The following APAF1 variants were observed in gnomAD, a reference collection of about 807,000 sequenced individuals.
APAF1 encodes apoptotic protease-activating factor 1.
In APAF1, 91 loss-of-function variants were observed where a neutral mutation model predicts 152.4. The observed-to-expected ratio is 0.60, with a 90% CI of 0.50 to 0.71. The LOEUF is 0.71. Among genes scored for constraint, APAF1 ranks in the 30% least tolerant of loss-of-function variants. APAF1 has a pLI of 0.00. For missense variants in APAF1, 1,283 were observed against 1,472.0 expected (o/e 0.87, Z 2.10); for synonymous variants, 484 against 494.1 (o/e 0.98, Z 0.27).
At chr12:98,715,269 T>TG (rs1246163179) in intron 21 of APAF1, among the ~76,000 whole-genome samples, 158 bp from the exon 22 acceptor site, 3 of 111,920 alleles carry the variant, frequency 2.7e-5, no homozygotes, top group East Asian at 8.4e-4. Flanking sequence ...TATATATATA[T>TG]ATATATATAT....
intron 17 of APAF1, among the ~76,000 whole-genome samples, chr12:98,702,228 G>A (rs1320475600): frequency 6.6e-6 from 1 of 152,000 alleles, no homozygotes; most frequent in Admixed American, 6.5e-5. Context: ...ACCGCGCCCG[G>A]CTAATTTTTT....
chr12:98,724,710 C>T (rs2097747844), intron 24 of APAF1, among the ~76,000 whole-genome samples: 2 of 151,116 alleles, frequency 1.3e-5, no homozygotes, highest in Admixed American at 6.7e-5. Context: ...TTACTTCATA[C>T]AACTGTTCAC....
chr12:98,703,222 CATATTTTGTTT>C (rs1293624114), intron 17 of APAF1, 138 bp from the exon 18 acceptor site: 1 of 781,378 alleles, frequency 1.3e-6, no homozygotes, highest in Non-Finnish European at 2.1e-6. Context: ...TATATTGATC[CATATTTTGTTT>C]ATGACTGTCA....
rs1351628383 is a variant in APAF1 at position 98,648,508 on chromosome 12, C to T, written c.138+11C>T. The T allele has an allele frequency of 6.2e-7, 1 of 1,612,894 alleles. No individual in the cohort carries two copies. Among genetic ancestry groups the T allele is most frequent in the Non-Finnish European group, 8.5e-7 (1 of 1,179,628 alleles). On this transcript the variant is annotated intron_variant, in intron 2 of 26. Transcript: ENST00000551964. ...AAAGTAAGAAATGAGGTAAAGCTCTCTGAAGCAGTCCACACTTCCTTAAAA... is the reference window on the plus strand; with the variant it reads ...AAAGTAAGAAATGAGGTAAAGCTCTTTGAAGCAGTCCACACTTCCTTAAAA...
At chr12:98,715,176 T>C (rs2153340149) in intron 21 of APAF1, among the ~76,000 whole-genome samples, 1 of 142,424 alleles carries the variant, frequency 7.0e-6, no homozygotes, top group East Asian at 2.1e-4. Flanking sequence ...TGTCTGATGA[T>C]TGCAGTGAGT....
intron 20 of APAF1, among the ~76,000 whole-genome samples, chr12:98,711,913 C>G (rs1180560128): frequency 2.0e-5 from 3 of 152,172 alleles, no homozygotes; most frequent in African/African-American, 7.2e-5. Context: ...TTATGTCTGT[C>G]TCAGTCTTGT....
At chr12:98,678,733 C>T (rs1259950577) in intron 13 of APAF1, among the ~76,000 whole-genome samples, 1 of 152,226 alleles carries the variant, frequency 6.6e-6, no homozygotes, top group African/African-American at 2.4e-5. Flanking sequence ...CTACTGTTGG[C>T]ACCCACTCTG....
At chr12:98,659,396 G>GTAAC (rs1565859430) in intron 5 of APAF1, 53 bp downstream of exon 5, 2 of 1,554,176 alleles carry the variant, frequency 1.3e-6, no homozygotes, top group Non-Finnish European at 1.8e-6. Flanking sequence ...CCAATAAGAT[G>GTAAC]TAACTACTGA....
chr12:98,717,593 C>T (rs2097736383), intron 22 of APAF1, among the ~76,000 whole-genome samples: 1 of 151,976 alleles, frequency 6.6e-6, no homozygotes, highest in South Asian at 2.1e-4. Context: ...TCAGGCTGGT[C>T]TTGAACTCTG....
chr12:98,663,950 A>G lies in APAF1; in HGVS notation c.955+1144A>G, dbSNP rs148864265. Among the ~76,000 whole-genome samples the G allele has an allele frequency of 3.3e-3, 506 of 151,966 alleles. 2 individuals carry two copies. The highest frequency in any genetic ancestry group is 0.012 in the African/African-American group (478 of 41,464). On this transcript the variant is annotated intron_variant, in intron 7 of 26. Transcript: ENST00000551964. ...TGGGATTATAGGCATGAGCTACCAT[A>G]CCTGGCCACCTTATTTTTCATTCTG...
In APAF1 at chr12:98,680,261, A is replaced by T. The variant is rs1363431248; in HGVS notation, c.1921-16A>T. 1.3e-6 allele frequency: 2 copies of T among 1,562,954 alleles called. No homozygotes were observed. The highest frequency in any genetic ancestry group is 1.2e-5 in the South Asian group (1 of 85,670). On this transcript the variant is annotated splice_polypyrimidine_tract_variant and intron_variant, in intron 13 of 26. Coordinates refer to ENST00000551964, the MANE Select transcript of APAF1 (RefSeq NM_181861.2). ...AGCAGTTTATTATAAAAAATATTTT[A>T]TTGTTACTTGTGCAGGTGTTCAAAG...
At chr12:98,696,205 T>G (rs2097709632) in intron 16 of APAF1, among the ~76,000 whole-genome samples, 1 of 152,118 alleles carries the variant, frequency 6.6e-6, no homozygotes, top group Non-Finnish European at 1.5e-5. Flanking sequence ...GGCCGGAAAT[T>G]CCAGGATTGG....
Position 98,733,145 on chromosome 12 carries a change from T to C in APAF1, c.*579T>C, listed in dbSNP as rs2153346378. The C allele has an allele frequency of 6.5e-6, 1 of 153,806 alleles. No individual in the cohort carries two copies. The highest frequency in any genetic ancestry group is 2.0e-4 in the South Asian group (1 of 4,898). The allele number at this position is 153,806 out of a possible 1,614,324, so 9.5% of individuals were successfully genotyped here. A position where few individuals can be genotyped will look rare whatever the true frequency, so the allele number is the denominator to read the frequency against. ...TAGCAGGCCCCCCCACCTTTTTTTTTTGTTTTTGGAGACAGAGTCTTGCTT... is the reference window on the plus strand; with the variant it reads ...TAGCAGGCCCCCCCACCTTTTTTTTCTGTTTTTGGAGACAGAGTCTTGCTT... On this transcript the variant is annotated 3_prime_UTR_variant, in exon 27 of 27. Coordinates refer to ENST00000551964, the MANE Select transcript of APAF1 (RefSeq NM_181861.2).
At chr12:98,732,393 A>G in intron 26 of APAF1, 27 bp from the exon 27 acceptor site, 1 of 1,606,448 alleles carries the variant, frequency 6.2e-7, no homozygotes. Context: ...TACCAATCTA[A>G]TGAGAATTTT....
At chr12:98,725,038 G>C (rs527778835) in intron 24 of APAF1, among the ~76,000 whole-genome samples, 25 of 152,268 alleles carry the variant, frequency 1.6e-4, no homozygotes, top group Admixed American at 1.6e-3. Context: ...TCATTTTACA[G>C]ATGCCGTGTC....
rs1175024730 is a variant in APAF1, at chr12:98,678,331, T to A, written c.1920+780T>A. Among the ~76,000 whole-genome samples the A allele has an allele frequency of 2.0e-5, 3 of 152,366 alleles. No homozygotes were observed. The East Asian group carries it at 5.8e-4, about 29-fold the overall frequency. Reference sequence around the variant, plus strand: ...CTGCCTGGAGTGGCTGCTGCCATCATGCTGGCTGCAGCAGGGAGGCGCAGC... The same window carrying A: ...CTGCCTGGAGTGGCTGCTGCCATCAAGCTGGCTGCAGCAGGGAGGCGCAGC... On this transcript the variant is annotated intron_variant, in intron 13 of 26. Coordinates refer to ENST00000551964, the MANE Select transcript of APAF1 (RefSeq NM_181861.2).
At chr12:98,708,829 T>A in intron 20 of APAF1, 125 bp downstream of exon 20, 1 of 887,662 alleles carries the variant, frequency 1.1e-6, no homozygotes. Context: ...CCAGCAGACA[T>A]TAGTTAAATA....
rs573334153 is a variant in APAF1 at position 98,700,458 on chromosome 12, C to G, written c.2466+889C>G. On this transcript the variant is annotated intron_variant, in intron 17 of 26. Coordinates refer to ENST00000551964, the MANE Select transcript of APAF1 (RefSeq NM_181861.2). Reference sequence around the variant, plus strand: ...TATGATTGTTATTGATTTAGTGCTACAATCCTTGGATGTTGGTTGCTTATG... The same window carrying G: ...TATGATTGTTATTGATTTAGTGCTAGAATCCTTGGATGTTGGTTGCTTATG... Among the ~76,000 whole-genome samples, 39 of 152,270 alleles carry G rather than the reference C, an allele frequency of 2.6e-4. No homozygotes were observed. In the East Asian group the frequency reaches 6.9e-3, roughly 27 times the overall value.
intron 16 of APAF1, among the ~76,000 whole-genome samples, chr12:98,690,772 C>T (rs1255854808): frequency 6.6e-6 from 1 of 152,194 alleles, no homozygotes; most frequent in Non-Finnish European, 1.5e-5. Flanking sequence ...AAGCCCCTAA[C>T]CCTTTTATTT....
Sources: allele counts gnomAD v4.1 joint callset (sites outside exome capture counted in the v4.1 genomes callset), GRCh38; gene constraint gnomAD v4.1.1; transcripts MANE v1.5; gene names NCBI Gene and HGNC (gene_info 2026-07-23, HGNC 2026-07-21).